Variants in PPFIA2 observed in about 807,000 individuals in gnomAD.
PPFIA2 encodes liprin-alpha-2.
A neutral mutation model predicts 175.5 loss-of-function variants in PPFIA2; 46 were observed. The observed-to-expected ratio is 0.26, with a 90% CI of 0.21 to 0.34. The LOEUF (loss-of-function observed/expected upper bound fraction) is 0.34. Among genes scored for constraint, PPFIA2 ranks in the 10% least tolerant of loss-of-function variants. The pLI, the probability that PPFIA2 is intolerant of heterozygous loss-of-function variation, is 1.00. For missense variants in PPFIA2, 1,179 were observed against 1,506.1 expected, an observed-to-expected ratio of 0.78 and a Z score of 3.60; for synonymous variants, 568 against 511.4, an observed-to-expected ratio of 1.11 and a Z score of -1.49.
At chr12:81,421,110 A>G (rs1442742424) in intron 7 of PPFIA2, among the ~76,000 whole-genome samples, 1 of 152,122 alleles carries the variant, frequency 6.6e-6, no homozygotes, top group Non-Finnish European at 1.5e-5. Context: ...TCTTTCCAAT[A>G]CAAATGAAAA....
intron 4 of PPFIA2, among the ~76,000 whole-genome samples, chr12:81,608,036 T>C (rs1188889934): frequency 6.6e-6 from 1 of 152,072 alleles, no homozygotes; most frequent in East Asian, 1.9e-4. Flanking sequence ...GTTTTTTCTG[T>C]GTCTATTGAG....
intron 14 of PPFIA2, among the ~76,000 whole-genome samples, chr12:81,364,596 T>C (rs2032437666): frequency 6.6e-6 from 1 of 151,624 alleles, no homozygotes; most frequent in Admixed American, 6.6e-5. Context: ...GGTCTTGCTA[T>C]GTTTCCTGGA....
rs1567640456 is a variant in PPFIA2 at position 81,630,901 on chromosome 12, T to TATA, written c.303+45889_303+45890insTAT. On this transcript the variant is annotated intron_variant, in intron 4 of 32. Coordinates refer to ENST00000549396, the MANE Select transcript of PPFIA2 (RefSeq NM_003625.5). ...AAAGGCTATATATATATATATATAT[T>TATA]TTTTTTTTTTTTCCAGACAGAGTCT... Among the ~76,000 whole-genome samples the TATA allele has an allele frequency of 1.3e-3, 64 of 48,222 alleles. 1 individual carries two copies. The highest frequency in any genetic ancestry group is 0.012 in the East Asian group (12 of 980). 31.6% of individuals were successfully genotyped at this position (48,222 alleles called of 152,430 possible).
chr12:81,521,111 T>G (rs745936926), intron 4 of PPFIA2, among the ~76,000 whole-genome samples: 1 of 151,974 alleles, frequency 6.6e-6, no homozygotes, highest in East Asian at 1.9e-4. Flanking sequence ...GTCCTAAATA[T>G]TCACAAAAGA....
intron 4 of PPFIA2, among the ~76,000 whole-genome samples, chr12:81,630,466 A>C (rs2063238948): frequency 1.3e-5 from 2 of 152,332 alleles, no homozygotes; most frequent in South Asian, 4.1e-4. Flanking sequence ...TCCCCTAAGA[A>C]GTATATGATG....
At chr12:81,283,515 A>C (rs1161788178) in intron 25 of PPFIA2, among the ~76,000 whole-genome samples, 1 of 152,094 alleles carries the variant, frequency 6.6e-6, no homozygotes, top group African/African-American at 2.4e-5. Context: ...ACAAAAACCA[A>C]GTACAACAAA....
chr12:81,510,160 T>C (rs2061618798), intron 4 of PPFIA2, among the ~76,000 whole-genome samples: 1 of 152,064 alleles, frequency 6.6e-6, no homozygotes, highest in African/African-American at 2.4e-5. Context: ...ATCAATATTT[T>C]CCAAGCAGCT....
intron 22 of PPFIA2, among the ~76,000 whole-genome samples, chr12:81,301,824 C>A (rs1461711161): frequency 1.3e-5 from 2 of 152,172 alleles, no homozygotes; most frequent in Non-Finnish European, 2.9e-5. Flanking sequence ...TCAAATGTCA[C>A]CTGTTCTCTG....
chr12:81,436,557 G>A (rs892478846), intron 7 of PPFIA2, among the ~76,000 whole-genome samples: 4 of 151,902 alleles, frequency 2.6e-5, no homozygotes, highest in Admixed American at 2.0e-4. Flanking sequence ...TTTTCTAAAT[G>A]TATTTTATCA....
intron 4 of PPFIA2, among the ~76,000 whole-genome samples, chr12:81,466,906 TAATA>T (rs1387973238): frequency 1.4e-5 from 2 of 147,284 alleles, no homozygotes; most frequent in Non-Finnish European, 3.0e-5. Flanking sequence ...ATATAATATA[TAATA>T]AATAATATTA....
chr12:81,666,161 T>C (rs1253816889), intron 4 of PPFIA2, among the ~76,000 whole-genome samples: 1 of 152,158 alleles, frequency 6.6e-6, no homozygotes, highest in Non-Finnish European at 1.5e-5. Context: ...ACACTGTTGG[T>C]GGGACTGTAA....
chr12:81,427,623 G>A (rs1040476930), intron 7 of PPFIA2, among the ~76,000 whole-genome samples: 1 of 151,992 alleles, frequency 6.6e-6, no homozygotes, highest in Non-Finnish European at 1.5e-5. Flanking sequence ...AAAAGGAGAT[G>A]TAGTCGTGGG....
At chr12:81,427,109 G>A (rs2047267409) in intron 7 of PPFIA2, among the ~76,000 whole-genome samples, 1 of 151,886 alleles carries the variant, frequency 6.6e-6, no homozygotes, top group South Asian at 2.1e-4. Context: ...TATAAATTTT[G>A]AGATAATTCA....
chr12:81,273,598 T>C (rs1049717982), intron 28 of PPFIA2, among the ~76,000 whole-genome samples: 4 of 152,178 alleles, frequency 2.6e-5, no homozygotes, highest in Non-Finnish European at 5.9e-5. Context: ...GTCCTTTCTG[T>C]CTGTGCCAAT....
chr12:81,538,886 CAT>C (rs2153330075), intron 4 of PPFIA2, among the ~76,000 whole-genome samples: 1 of 152,020 alleles, frequency 6.6e-6, no homozygotes, highest in African/African-American at 2.4e-5. Flanking sequence ...TGAGTTTTAG[CAT>C]CACTTTGGCT....
At chr12:81,342,696 A>G (rs1388755239) in intron 19 of PPFIA2, among the ~76,000 whole-genome samples, 2 of 152,060 alleles carry the variant, frequency 1.3e-5, no homozygotes, top group African/African-American at 4.8e-5. Context: ...TTTCTGAACT[A>G]TTCCTAATAC....
intron 3 of PPFIA2, among the ~76,000 whole-genome samples, chr12:81,703,883 C>A (rs1157608592): frequency 6.6e-6 from 1 of 152,124 alleles, no homozygotes; most frequent in Admixed American, 6.5e-5. Flanking sequence ...ATCCTTCAGA[C>A]CTCAGCTTAA....
At position 81,391,807 on chromosome 12, in the gene PPFIA2, T is replaced by C. The variant is rs189303707; in HGVS notation, c.763-7563A>G. ...TGCAATACAAGCATAAATCATGCAGTTTTCTGGCAGAGGAAACAGAAAGAT... is the reference window on the plus strand; with the variant it reads ...TGCAATACAAGCATAAATCATGCAGCTTTCTGGCAGAGGAAACAGAAAGAT... On this transcript the variant is annotated intron_variant, in intron 8 of 32. Transcript: ENST00000549396. 2.0e-5 allele frequency among the ~76,000 whole-genome samples: 3 copies of C among 151,998 alleles called. No homozygotes were observed. The East Asian group carries it at 5.8e-4, about 30-fold the overall frequency.
intron 11 of PPFIA2, among the ~76,000 whole-genome samples, chr12:81,371,685 A>C (rs1356943517): frequency 3.3e-5 from 5 of 151,838 alleles, no homozygotes; most frequent in Non-Finnish European, 7.4e-5. Flanking sequence ...GAAATAAATA[A>C]AATACCTCAT....
Sources: allele counts gnomAD v4.1 joint callset (sites outside exome capture counted in the v4.1 genomes callset), GRCh38; gene constraint gnomAD v4.1.1; transcripts MANE v1.5; gene names NCBI Gene and HGNC (gene_info 2026-07-23, HGNC 2026-07-21).